Variants in MZT1 observed in about 807,000 individuals in gnomAD.
MZT1 encodes mitotic spindle organizing protein 1.
In MZT1, 8 loss-of-function variants were observed where a neutral mutation model predicts 8.5. The ratio of observed to expected loss-of-function variants is 0.94; its 90% CI spans 0.55 to 1.70. The LOEUF is 1.70. Among genes scored for constraint, MZT1 ranks in the 40% most tolerant of loss-of-function variants. The pLI is 0.00. For missense variants in MZT1, 93 were observed against 108.6 expected, an observed-to-expected ratio of 0.86 and a Z score of 0.64; for synonymous variants, 38 against 42.0, an observed-to-expected ratio of 0.90 and a Z score of 0.37.
rs184401412 is a variant in MZT1 at position 72,709,374 on chromosome 13, T to C, written c.*948A>G. The stretch of plus-strand genomic sequence containing the variant: ...TGGAAATCCTTATTTCTTCAAAAAA[T>C]AGCAAGTATCTTTTGAAACACATCA... On this transcript the variant is annotated 3_prime_UTR_variant, in exon 3 of 3. Coordinates refer to ENST00000377818, the MANE Select transcript of MZT1 (RefSeq NM_001071775.3). 36 of 152,144 alleles carry C rather than the reference T, an allele frequency of 2.4e-4. No homozygotes were observed. Among genetic ancestry groups the C allele is most frequent in the Non-Finnish European group, 4.3e-4 (29 of 67,884 alleles). The allele number at this position is 152,144 out of a possible 1,614,324, so 9.4% of individuals were successfully genotyped here.
intron 2 of MZT1, among the ~76,000 whole-genome samples, chr13:72,713,493 C>T (rs2032507145): frequency 6.6e-6 from 1 of 152,156 alleles, no homozygotes; most frequent in Non-Finnish European, 1.5e-5. Flanking sequence ...ACATACTTTA[C>T]ATCATCTCTG....
chr13:72,723,864 G>A (rs903658412), intron 1 of MZT1, among the ~76,000 whole-genome samples: 1 of 149,630 alleles, frequency 6.7e-6, no homozygotes, highest in Non-Finnish European at 1.5e-5. Flanking sequence ...AATAAAGAGT[G>A]GAATACTTCT....
chr13:72,724,536 C>T (rs1343571778), intron 1 of MZT1, among the ~76,000 whole-genome samples: 5 of 133,946 alleles, frequency 3.7e-5, no homozygotes, highest in Non-Finnish European at 6.4e-5. Context: ...TTCTCTATAA[C>T]GTGTTTTTTT....
chr13:72,723,001 T>G (rs531550561), intron 1 of MZT1, among the ~76,000 whole-genome samples: 1 of 152,340 alleles, frequency 6.6e-6, no homozygotes, highest in Non-Finnish European at 1.5e-5. Context: ...ATCAGTATAC[T>G]GGAACACTAC....
intron 2 of MZT1, among the ~76,000 whole-genome samples, chr13:72,713,775 G>A (rs1201355612): frequency 6.6e-6 from 1 of 152,160 alleles, no homozygotes; most frequent in Non-Finnish European, 1.5e-5. Context: ...TGAGTGTCAT[G>A]TTGGTACTCA....
chr13:72,709,966 G>T lies in MZT1; in HGVS notation c.*356C>A. 4.5e-6 allele frequency: 1 copy of T among 224,160 alleles called. No homozygotes were observed. The highest frequency in any genetic ancestry group is 2.3e-5 in the African/African-American group (1 of 43,570). The allele number at this position is 224,160 out of a possible 1,614,324, so 13.9% of individuals were successfully genotyped here. ...ATAACTACTACACATTACTACTGAT[G>T]GGTTCCACTATACTTCAACCTGGCA... On this transcript the variant is annotated 3_prime_UTR_variant, in exon 3 of 3. Coordinates refer to ENST00000377818, the MANE Select transcript of MZT1 (RefSeq NM_001071775.3).
intron 2 of MZT1, 106 bp downstream of exon 2, chr13:72,718,846 G>T: frequency 9.1e-7 from 1 of 1,096,260 alleles, no homozygotes; most frequent in Non-Finnish European, 1.3e-6. Context: ...GGTGTTGCAT[G>T]TTAGTTTAAC....
In MZT1 at chr13:72,708,939, C is replaced by T. The variant is rs1005744378; in HGVS notation, c.*1383G>A. ...TGCTAGTAAAGAGTGAATGCTTGTACAATCATATAAATGGTACTCAATAAA... is the reference window on the plus strand; with the variant it reads ...TGCTAGTAAAGAGTGAATGCTTGTATAATCATATAAATGGTACTCAATAAA... On this transcript the variant is annotated 3_prime_UTR_variant, in exon 3 of 3. Transcript: ENST00000377818. 3 of 151,316 alleles carry T rather than the reference C, an allele frequency of 2.0e-5. No homozygotes were observed. Among genetic ancestry groups the T allele is most frequent in the African/African-American group, 7.3e-5 (3 of 41,208 alleles). The allele number at this position is 151,316 out of a possible 1,614,324, so 9.4% of individuals were successfully genotyped here.
At position 72,710,262 on chromosome 13, in the gene MZT1, A is replaced by G. The variant is rs1388029691; in HGVS notation, c.*60T>C. 6.4e-7 allele frequency: 1 copy of G among 1,565,444 alleles called. No individual in the cohort carries two copies. The stretch of plus-strand genomic sequence containing the variant: ...ATTTCATTGTACATTCTCAACTACA[A>G]TGCAATCTTCAAACCCTCTTGCAGA... On this transcript the variant is annotated 3_prime_UTR_variant, in exon 3 of 3. Transcript: ENST00000377818.
intron 2 of MZT1, among the ~76,000 whole-genome samples, chr13:72,712,748 T>C (rs1045394482): frequency 6.6e-6 from 1 of 152,200 alleles, no homozygotes; most frequent in African/African-American, 2.4e-5. Context: ...GCCAAAGCAC[T>C]TGTCAGTCAC....
intron 1 of MZT1, among the ~76,000 whole-genome samples, chr13:72,725,174 A>G (rs1297622833): frequency 6.6e-6 from 1 of 152,190 alleles, no homozygotes; most frequent in African/African-American, 2.4e-5. Flanking sequence ...AAAGCAATCA[A>G]TAGAGAGTAC....
intron 2 of MZT1, among the ~76,000 whole-genome samples, chr13:72,715,462 G>T (rs1008815471): frequency 8.5e-5 from 13 of 152,164 alleles, no homozygotes; most frequent in African/African-American, 3.1e-4. Context: ...AGGCATGATT[G>T]TATGTTGCAA....
At chr13:72,713,630 T>C (rs1268871826) in intron 2 of MZT1, among the ~76,000 whole-genome samples, 1 of 151,568 alleles carries the variant, frequency 6.6e-6, no homozygotes, top group African/African-American at 2.4e-5. Context: ...TCCTTCCCCC[T>C]GTTCCCCAAA....
rs748174456 is a variant in MZT1, at chr13:72,727,564, GGCCGCCGCCGCC to G, written c.27_38del (p.Ala13_Ala16del). On this transcript the variant is annotated inframe_deletion, in exon 1 of 3. Transcript: ENST00000377818. Reference sequence around the variant, plus strand: ...GCACCGCATTCAGATTCGCCGCCGCGGCCGCCGCCGCCGCCCCAGCACCGCTGCTACTCGCCA... The same window carrying G: ...GCACCGCATTCAGATTCGCCGCCGCGGCCCCAGCACCGCTGCTACTCGCCA... The G allele has an allele frequency of 4.4e-6, 7 of 1,592,998 alleles. No homozygotes were observed. Among genetic ancestry groups the G allele is most frequent in the Non-Finnish European group, 6.0e-6 (7 of 1,165,528 alleles).
At chr13:72,714,573 T>C (rs546272612) in intron 2 of MZT1, among the ~76,000 whole-genome samples, 7 of 152,324 alleles carry the variant, frequency 4.6e-5, no homozygotes, top group African/African-American at 1.7e-4. Context: ...TTACAGGCCC[T>C]GAGAACTAGG....
At chr13:72,715,628 T>G (rs2032527886) in intron 2 of MZT1, among the ~76,000 whole-genome samples, 1 of 152,220 alleles carries the variant, frequency 6.6e-6, no homozygotes. Flanking sequence ...GGGAGTTGAC[T>G]GAATTCATCC....
chr13:72,720,081 A>C (rs1270730237), intron 1 of MZT1, among the ~76,000 whole-genome samples: 2 of 152,222 alleles, frequency 1.3e-5, no homozygotes, highest in African/African-American at 2.4e-5. Flanking sequence ...TTTATTTCCC[A>C]AAACCCCCCA....
intron 2 of MZT1, among the ~76,000 whole-genome samples, chr13:72,717,319 G>A (rs1593797144): frequency 6.7e-6 from 1 of 149,710 alleles, no homozygotes; most frequent in East Asian, 2.0e-4. Context: ...ACACAATTCA[G>A]CCACAATCTG....
intron 1 of MZT1, among the ~76,000 whole-genome samples, chr13:72,726,236 C>T (rs1027462635): frequency 6.6e-6 from 1 of 152,126 alleles, no homozygotes; most frequent in African/African-American, 2.4e-5. Flanking sequence ...TCGAGACCAA[C>T]CTGGCCAACA....
Sources: gnomAD v4.1 joint callset for allele counts (sites outside exome capture counted in the v4.1 genomes callset) on GRCh38, gnomAD v4.1.1 for gene constraint, MANE v1.5 for transcripts, NCBI Gene and HGNC (gene_info 2026-07-23, HGNC 2026-07-21) for gene names.